DNAH9: variants seen among roughly 807,000 people sequenced by gnomAD.
DNAH9 encodes the protein dynein axonemal heavy chain 9, also known as DNAH9 variant protein.
A neutral mutation model predicts 471.6 loss-of-function variants in DNAH9; 345 were observed. The observed-to-expected ratio is 0.73, with a 90% CI of 0.67 to 0.80. The LOEUF (loss-of-function observed/expected upper bound fraction) is 0.80. Ranked by LOEUF, DNAH9 falls within the 30% of genes least tolerant of loss-of-function variation. The pLI is 0.00. For missense variants in DNAH9, 5,407 were observed against 5,609.2 expected, an observed-to-expected ratio of 0.96 and a Z score of 1.15; for synonymous variants, 2,093 against 2,123.6, an observed-to-expected ratio of 0.99 and a Z score of 0.40.
intron 49 of DNAH9, among the ~76,000 whole-genome samples, chr17:11,835,313 T>G (rs953227888): frequency 3.9e-5 from 6 of 152,254 alleles, no homozygotes; most frequent in Non-Finnish European, 5.9e-5. Flanking sequence ...CTTTAGGTTC[T>G]GTGGGACACA....
chr17:11,668,315 T>C (rs537386998), intron 15 of DNAH9, among the ~76,000 whole-genome samples: 2 of 152,300 alleles, frequency 1.3e-5, no homozygotes, highest in East Asian at 3.9e-4. Flanking sequence ...TAAGTGGAAT[T>C]GTATGGCTTG....
chr17:11,923,607 G>A (rs567024481), intron 61 of DNAH9, among the ~76,000 whole-genome samples: 72 of 152,128 alleles, frequency 4.7e-4, no homozygotes, highest in South Asian at 1.0e-3. Context: ...CACTGCGCCC[G>A]GCTCAAGTGC....
intron 28 of DNAH9, among the ~76,000 whole-genome samples, chr17:11,728,537 AAAC>A (rs200013674): frequency 0.054 from 4,566 of 84,266 alleles, 266 homozygotes; most frequent in African/African-American, 0.13. Flanking sequence ...AAAAAAAAAA[AAAC>A]AAAAAAAACT....
At chr17:11,794,082 TC>T (rs1201636515) in intron 42 of DNAH9, among the ~76,000 whole-genome samples, 4 of 145,700 alleles carry the variant, frequency 2.7e-5, no homozygotes, top group African/African-American at 1.0e-4. Context: ...TCTTGCTCTT[TC>T]GCCCAGGCTG....
intron 42 of DNAH9, among the ~76,000 whole-genome samples, chr17:11,794,428 T>A (rs1250711167): frequency 2.6e-5 from 4 of 152,194 alleles, no homozygotes; most frequent in Non-Finnish European, 5.9e-5. Context: ...CTAATAATAA[T>A]CTAGAAGTTA....
At chr17:11,601,598 G>A (rs975656415) in intron 1 of DNAH9, among the ~76,000 whole-genome samples, 9 of 152,110 alleles carry the variant, frequency 5.9e-5, no homozygotes, top group African/African-American at 2.2e-4. Flanking sequence ...GCTTGTACCA[G>A]TAACTTTATT....
At chr17:11,641,900 T>A (rs2073280782) in intron 10 of DNAH9, among the ~76,000 whole-genome samples, 1 of 152,014 alleles carries the variant, frequency 6.6e-6, no homozygotes, top group African/African-American at 2.4e-5. Context: ...TGCAAGAAAG[T>A]TGCAATGGGG....
At chr17:11,923,691 C>CG in intron 61 of DNAH9, 123 bp from the exon 62 acceptor site, 1 of 1,207,740 alleles carries the variant, frequency 8.3e-7, no homozygotes, top group Non-Finnish European at 1.2e-6. Flanking sequence ...TATGAGGTTT[C>CG]GGTTATAGAT....
At chr17:11,889,338 T>C (rs1276537967) in intron 57 of DNAH9, among the ~76,000 whole-genome samples, 2 of 152,224 alleles carry the variant, frequency 1.3e-5, no homozygotes, top group East Asian at 3.8e-4. Flanking sequence ...CTTGGAGGGC[T>C]TTTCAAGTAC....
At chr17:11,820,990 A>G (rs925017164) in intron 45 of DNAH9, among the ~76,000 whole-genome samples, 1 of 152,154 alleles carries the variant, frequency 6.6e-6, no homozygotes, top group Non-Finnish European at 1.5e-5. Flanking sequence ...GCTGTATAAG[A>G]TCAAGATCTG....
chr17:11,917,175 C>T (rs535002104), intron 61 of DNAH9, among the ~76,000 whole-genome samples: 5 of 152,090 alleles, frequency 3.3e-5, no homozygotes, highest in South Asian at 2.1e-4. Context: ...TTTTTTGAGA[C>T]GGAGCTTTGC....
rs531923195 is a variant in DNAH9, at chr17:11,673,783, A to G, written c.3353+3989A>G. 3.9e-5 allele frequency among the ~76,000 whole-genome samples: 6 copies of G among 152,206 alleles called. No homozygotes were observed. The East Asian group carries it at 1.2e-3, about 29-fold the overall frequency. On this transcript the variant is annotated intron_variant, in intron 17 of 68. Transcript: ENST00000262442. ...GTTTAAATCCTTCTCCCTCCTTGCA[A>G]GATGTTACTAGGGTCCTAAATGTGA...
At chr17:11,662,937 A>T (rs369556902) in intron 14 of DNAH9, among the ~76,000 whole-genome samples, 1 of 151,098 alleles carries the variant, frequency 6.6e-6, no homozygotes. Flanking sequence ...TTGTATTTTT[A>T]GTAGAGACGG....
intron 6 of DNAH9, among the ~76,000 whole-genome samples, chr17:11,621,285 G>C (rs2150658805): frequency 6.6e-6 from 1 of 151,784 alleles, no homozygotes. Flanking sequence ...GCGGGCGCCT[G>C]TAGTCCCAGC....
chr17:11,717,676 G>A (rs11651009), intron 26 of DNAH9, among the ~76,000 whole-genome samples: 22,656 of 152,124 alleles, frequency 0.15, 1,907 homozygotes, highest in South Asian at 0.24. Context: ...TTCACCCATT[G>A]CAGGTGTACA....
rs1292165197 is a variant in DNAH9, at chr17:11,962,213, A to G, written c.13190A>G (p.Tyr4397Cys). The G allele has an allele frequency of 6.2e-7, 1 of 1,613,576 alleles. No individual in the cohort carries two copies. ...AGGAGTCCTCCTCGGGAAGGGGCCT[A>G]CATCCATGGCCTCTTCATGGAAGGT... The part of the protein sequence containing the change: ...EFRSPPREGA[Y>C]IHGLFMEGAC... The change falls in exon 68 of 69, where the codon TAC becomes TGC. Residue 4397 changes from tyrosine (Y) to cysteine (C), a missense_variant. Physicochemically the swap from Tyr to Cys is radical, Grantham distance 194. Around this residue, in one of 3 missense-constraint regions of DNAH9, gnomAD observed 4,636 missense variants for 4,900.3 expected, o/e 0.95. Coordinates refer to ENST00000262442, the MANE Select transcript of DNAH9 (RefSeq NM_001372.4). The surrounding 1 kb of genome is among the most constrained non-coding windows in gnomAD (Gnocchi z 4.1).
Position 11,923,632 on chromosome 17 carries a change from C to G in DNAH9, c.11750-182C>G, listed in dbSNP as rs73300404. ...GGCTCAAGTGCTTCCTTTTATATGACAATAAAAAGCTGGAAGAAGTAGCCC... is the reference window on the plus strand; with the variant it reads ...GGCTCAAGTGCTTCCTTTTATATGAGAATAAAAAGCTGGAAGAAGTAGCCC... On this transcript the variant is annotated intron_variant, in intron 61 of 68. Transcript: ENST00000262442. 0.19 allele frequency among the ~76,000 whole-genome samples: 28,382 copies of G among 151,940 alleles called. 2,715 individuals carry two copies. The highest frequency in any genetic ancestry group is 0.27 in the East Asian group (1,404 of 5,142).
rs1309622977 is a variant in DNAH9, at chr17:11,719,437, G to A, written c.5656G>A (p.Ala1886Thr). Residue 1886 changes from alanine to threonine, a missense_variant, in exon 27 of 69, where the codon GCA becomes ACA. By Grantham distance (58) the Ala-to-Thr change is moderately conservative. This residue lies in a region of DNAH9 where 4,636 missense variants were observed against 4,900.3 expected (regional missense o/e 0.95). Coordinates refer to ENST00000262442, the MANE Select transcript of DNAH9 (RefSeq NM_001372.4). The part of the protein sequence containing the change: ...KTETTKDLGR[A>T]LGILVYVFNC... ...CGAGACCACCAAGGACCTGGGCCGCGCACTGGGCATCCTGGTCTATGTGTT... is the reference window on the plus strand; with the variant it reads ...CGAGACCACCAAGGACCTGGGCCGCACACTGGGCATCCTGGTCTATGTGTT... 31 of 1,613,732 alleles carry A rather than the reference G, an allele frequency of 1.9e-5. No homozygotes were observed. Among genetic ancestry groups the A allele is most frequent in the Non-Finnish European group, 2.3e-5 (27 of 1,180,010 alleles).
chr17:11,843,367 TAAC>T (rs1378476330), intron 49 of DNAH9, among the ~76,000 whole-genome samples: 6 of 152,116 alleles, frequency 3.9e-5, no homozygotes, highest in Non-Finnish European at 5.9e-5. Context: ...ATTTTCAAAA[TAAC>T]AACCAAAACA....
Sources: gnomAD v4.1 joint callset for allele counts (sites outside exome capture counted in the v4.1 genomes callset) on GRCh38, gnomAD v4.1.1 for gene constraint, gnomAD v4.1.1 regional missense constraint, Gnocchi (gnomAD v3.1) non-coding constraint, MANE v1.5 for transcripts, NCBI Gene and HGNC (gene_info 2026-07-23, HGNC 2026-07-21) for gene names.